The following CSMD1 variants were observed in gnomAD, a reference collection of about 807,000 sequenced individuals.
The protein encoded by CSMD1 is CUB and sushi domain-containing protein 1.
Under a neutral mutation model 417.5 loss-of-function variants are expected in CSMD1, and 213 were observed. The ratio of observed to expected loss-of-function variants is 0.51; its 90% CI spans 0.46 to 0.57. The LOEUF (loss-of-function observed/expected upper bound fraction) is 0.57. CSMD1 is among the 20% of genes least tolerant of loss of function. The pLI, the probability that CSMD1 is intolerant of heterozygous loss-of-function variation, is 0.00. For missense variants in CSMD1, 6,923 were observed against 4,529.7 expected, an observed-to-expected ratio of 1.53 and a Z score of -15.17; for synonymous variants, 2,862 against 1,736.8, an observed-to-expected ratio of 1.65 and a Z score of -16.11.
chr8:4,095,921 T>A (rs1269948149), intron 3 of CSMD1, among the ~76,000 whole-genome samples: 1 of 152,210 alleles, frequency 6.6e-6, no homozygotes, highest in Non-Finnish European at 1.5e-5. Context: ...GTTTCAGTTA[T>A]TTAAATGTAT....
chr8:4,796,352 C>G (rs1485093915), intron 1 of CSMD1, among the ~76,000 whole-genome samples: 1 of 152,018 alleles, frequency 6.6e-6, no homozygotes, highest in Non-Finnish European at 1.5e-5. Flanking sequence ...ATATCCTCAG[C>G]CAGACCCAGC....
Position 2,949,367 on chromosome 8 carries a change from C to T in CSMD1, c.10334G>A (p.Arg3445Lys), listed in dbSNP as rs267601885. Residue 3445 changes from arginine to lysine, a missense_variant, in exon 68 of 70, where the codon AGA becomes AAA. Coordinates refer to ENST00000635120, the MANE Select transcript of CSMD1 (RefSeq NM_033225.6). ...LDGYVSSGLE[R>K]GGFTFQGDIH... Reference sequence around the variant, plus strand: ...GTCACCTTGAAAAGTAAATCCTCCTCTTTCAAGTCCAGATGACACCTGACA... The same window carrying T: ...GTCACCTTGAAAAGTAAATCCTCCTTTTTCAAGTCCAGATGACACCTGACA... The T allele has an allele frequency of 3.1e-6, 5 of 1,602,306 alleles. No individual in the cohort carries two copies. Among genetic ancestry groups the T allele is most frequent in the Non-Finnish European group, 4.3e-6 (5 of 1,173,854 alleles).
At chr8:3,024,782 A>T (rs1261930667) in intron 51 of CSMD1, among the ~76,000 whole-genome samples, 1 of 152,232 alleles carries the variant, frequency 6.6e-6, no homozygotes, top group Non-Finnish European at 1.5e-5. Context: ...CCAAGTAAAT[A>T]AAATCAAGAA....
chr8:4,209,365 T>A (rs75927938), intron 3 of CSMD1, among the ~76,000 whole-genome samples: 1 of 152,156 alleles, frequency 6.6e-6, no homozygotes, highest in Non-Finnish European at 1.5e-5. Context: ...AAAGGACACA[T>A]AGATTCCCAT....
chr8:3,117,160 T>G (rs1816923183), intron 42 of CSMD1, among the ~76,000 whole-genome samples: 1 of 152,146 alleles, frequency 6.6e-6, no homozygotes, highest in Non-Finnish European at 1.5e-5. Flanking sequence ...AACCTCAGCC[T>G]CCTGGGTTCC....
chr8:4,449,500 C>A (rs1178260702), intron 2 of CSMD1, among the ~76,000 whole-genome samples: 3 of 152,078 alleles, frequency 2.0e-5, no homozygotes, highest in African/African-American at 4.8e-5. Context: ...TATGAAGTTA[C>A]TTGTCATTTT....
At chr8:4,329,081 CAAAT>C (rs1467348827) in intron 3 of CSMD1, among the ~76,000 whole-genome samples, 1 of 152,114 alleles carries the variant, frequency 6.6e-6, no homozygotes, top group Non-Finnish European at 1.5e-5. Flanking sequence ...AATTGCACAA[CAAAT>C]AAATCCAAGC....
intron 3 of CSMD1, among the ~76,000 whole-genome samples, chr8:4,255,439 C>G (rs1467156730): frequency 1.3e-5 from 2 of 152,160 alleles, no homozygotes; most frequent in African/African-American, 4.8e-5. Context: ...TTCTCACTTA[C>G]TTTGAAATAA....
At chr8:4,201,068 C>T (rs901296854) in intron 3 of CSMD1, among the ~76,000 whole-genome samples, 3 of 152,142 alleles carry the variant, frequency 2.0e-5, no homozygotes, top group Admixed American at 1.3e-4. Flanking sequence ...CTACTTTCTA[C>T]CTAGATAACC....
At chr8:4,270,678 T>C (rs1804529804) in intron 3 of CSMD1, among the ~76,000 whole-genome samples, 1 of 152,204 alleles carries the variant, frequency 6.6e-6, no homozygotes, top group Admixed American at 6.5e-5. Flanking sequence ...AGCTCCTTTC[T>C]TCTACTAAAA....
intron 2 of CSMD1, among the ~76,000 whole-genome samples, chr8:4,552,701 A>C (rs143068144): frequency 6.6e-6 from 1 of 152,214 alleles, no homozygotes; most frequent in Non-Finnish European, 1.5e-5. Context: ...TTACCCCATC[A>C]CAAGATGCTC....
intron 9 of CSMD1, among the ~76,000 whole-genome samples, chr8:3,579,131 C>T (rs1322256589): frequency 1.3e-5 from 2 of 152,272 alleles, no homozygotes; most frequent in East Asian, 3.9e-4. Flanking sequence ...ACTCAAATTT[C>T]ACTTACATCT....
chr8:2,946,660 T>C (rs341721), intron 68 of CSMD1, among the ~76,000 whole-genome samples: 5,877 of 152,336 alleles, frequency 0.039, 347 homozygotes, highest in African/African-American at 0.13. Context: ...ATTTTGGTTG[T>C]ATCTACATTT....
intron 3 of CSMD1, among the ~76,000 whole-genome samples, chr8:4,050,031 C>A (rs1381064338): frequency 6.6e-6 from 1 of 152,138 alleles, no homozygotes; most frequent in Admixed American, 6.5e-5. Context: ...AAGTTGCGGC[C>A]AGATATTCTG....
chr8:4,434,487 G>C (rs1389787288), intron 2 of CSMD1, among the ~76,000 whole-genome samples: 1 of 152,110 alleles, frequency 6.6e-6, no homozygotes, highest in African/African-American at 2.4e-5. Context: ...CAGAAGGAAA[G>C]AAACAACAAA....
chr8:3,187,954 G>T lies in CSMD1; in HGVS notation c.5535C>A (p.Ile1845=), dbSNP rs754936594. Residue 1845 remains isoleucine, a synonymous_variant, in exon 36 of 70, where the codon ATC becomes ATA. Transcript: ENST00000635120. The part of the protein sequence containing the change: ...TEGSGIQIQV[I]SFATEQNWDS... Reference sequence around the variant, plus strand: ...CCCAGTTCTGCTCCGTGGCAAAACTGATCACTTGGATCTACCAAACCATGA... The same window carrying T: ...CCCAGTTCTGCTCCGTGGCAAAACTTATCACTTGGATCTACCAAACCATGA... 1.2e-6 allele frequency: 2 copies of T among 1,612,258 alleles called. No individual in the cohort carries two copies.
chr8:4,316,743 A>T (rs143148723), intron 3 of CSMD1, among the ~76,000 whole-genome samples: 3 of 152,202 alleles, frequency 2.0e-5, no homozygotes, highest in African/African-American at 7.2e-5. Flanking sequence ...GTTAAATAAG[A>T]AAGTGGTCGA....
intron 5 of CSMD1, among the ~76,000 whole-genome samples, chr8:3,860,091 C>A (rs1585102196): frequency 6.6e-6 from 1 of 152,044 alleles, no homozygotes; most frequent in African/African-American, 2.4e-5. Flanking sequence ...ATAGGTCACA[C>A]TTTAAAAAGT....
At chr8:4,373,521 T>G (rs1486219238) in intron 3 of CSMD1, among the ~76,000 whole-genome samples, 1 of 152,236 alleles carries the variant, frequency 6.6e-6, no homozygotes, top group Admixed American at 6.5e-5. Context: ...CTTTCAGAAC[T>G]ACTGCATTAT....
Sources: allele counts gnomAD v4.1 joint callset (sites outside exome capture counted in the v4.1 genomes callset), GRCh38; gene constraint gnomAD v4.1.1; transcripts MANE v1.5; gene names NCBI Gene and HGNC (gene_info 2026-07-23, HGNC 2026-07-21).